The following SLC17A5 variants were observed in gnomAD, a reference collection of about 807,000 sequenced individuals.
SLC17A5 encodes the protein solute carrier family 17 member 5, also known as sialin.
Under a neutral mutation model 59.4 loss-of-function variants are expected in SLC17A5, and 47 were observed. That is an observed-to-expected ratio of 0.79 (90% CI 0.63 to 1.01). The LOEUF is 1.01. Among genes scored for constraint, SLC17A5 ranks in the 50% least tolerant of loss-of-function variants. The probability of loss-of-function intolerance (pLI) is 0.00; values close to 1 mark genes in which losing one functional copy is unlikely to be tolerated. For missense variants in SLC17A5, 522 were observed against 595.5 expected, an observed-to-expected ratio of 0.88 and a Z score of 1.28; for synonymous variants, 202 against 210.7, an observed-to-expected ratio of 0.96 and a Z score of 0.36.
At chr6:73,626,607 C>T (rs955769038) in intron 6 of SLC17A5, among the ~76,000 whole-genome samples, 2 of 152,084 alleles carry the variant, frequency 1.3e-5, no homozygotes, top group Non-Finnish European at 2.9e-5. Flanking sequence ...TAGTGCTGTC[C>T]AGTAGAACTT....
intron 8 of SLC17A5, among the ~76,000 whole-genome samples, chr6:73,614,969 C>CA (rs1767790299): frequency 6.6e-6 from 1 of 152,094 alleles, no homozygotes; most frequent in Non-Finnish European, 1.5e-5. Flanking sequence ...GATTTATAGC[C>CA]GGTCAGTCAG....
At chr6:73,630,905 G>T (rs2150108477) in intron 6 of SLC17A5, among the ~76,000 whole-genome samples, 1 of 149,458 alleles carries the variant, frequency 6.7e-6, no homozygotes, top group Non-Finnish European at 1.5e-5. Context: ...AATTAGCTGG[G>T]TGTGGTGGTG....
intron 6 of SLC17A5, among the ~76,000 whole-genome samples, chr6:73,634,609 G>A (rs493068): frequency 0.16 from 24,871 of 151,932 alleles, 3,149 homozygotes; most frequent in African/African-American, 0.35. Flanking sequence ...CATGTTGGCC[G>A]GGCTGATCTC....
rs181703712 is a variant in SLC17A5, at chr6:73,651,419, C to G, written c.94+2374G>C. ...GAGGCTGCAGTGAGCCGAGATCGCA[C>G]CACTGCACTCCAGCCTGGGCGACAG... On this transcript the variant is annotated intron_variant, in intron 1 of 10. Transcript: ENST00000355773. Among the ~76,000 whole-genome samples, 605 of 130,598 alleles carry G rather than the reference C, an allele frequency of 4.6e-3. 4 individuals carry two copies. The highest frequency in any genetic ancestry group is 0.017 in the African/African-American group (577 of 34,122). 85.7% of individuals were successfully genotyped at this position (130,598 alleles called of 152,430 possible). A position where few individuals can be genotyped will look rare whatever the true frequency, so the allele number is the denominator to read the frequency against.
Position 73,594,974 on chromosome 6 carries a change from A to T in SLC17A5, c.*103T>A, listed in dbSNP as rs1413857458. 5 of 1,255,074 alleles carry T rather than the reference A, an allele frequency of 4.0e-6. No homozygotes were observed. Among genetic ancestry groups the T allele is most frequent in the Non-Finnish European group, 5.8e-6 (5 of 861,902 alleles). The allele number at this position is 1,255,074 out of a possible 1,614,324, so 77.7% of individuals were successfully genotyped here. On this transcript the variant is annotated 3_prime_UTR_variant, in exon 11 of 11. Transcript: ENST00000355773. ...GGCCTTAAAAATCTAATACAAGTAC[A>T]ATTAAAAAAAGACATAGAATGCTTA...
intron 7 of SLC17A5, among the ~76,000 whole-genome samples, chr6:73,617,051 G>A (rs1767905443): frequency 1.3e-5 from 2 of 152,134 alleles, no homozygotes; most frequent in South Asian, 2.1e-4. Context: ...AGCACTTTGG[G>A]AGGCCGCGGA....
chr6:73,621,971 A>G lies in SLC17A5; in HGVS notation c.820-9T>C. The G allele has an allele frequency of 6.2e-7, 1 of 1,613,600 alleles. No individual in the cohort carries two copies. Among genetic ancestry groups the G allele is most frequent in the Non-Finnish European group, 8.5e-7 (1 of 1,179,578 alleles). ...GACTTCTGTGAAGAAAGCTGAAGAA[A>G]ACAGGAATAATTAGGATAAACTACG... On this transcript the variant is annotated splice_polypyrimidine_tract_variant and intron_variant, in intron 6 of 10. Coordinates refer to ENST00000355773, the MANE Select transcript of SLC17A5 (RefSeq NM_012434.5).
At chr6:73,645,552 C>T (rs975421479) in intron 1 of SLC17A5, 1 of 914,452 alleles carries the variant, frequency 1.1e-6, no homozygotes, top group Non-Finnish European at 1.3e-6. Flanking sequence ...TTTGGGAAGC[C>T]GAGGCGGGCG....
At chr6:73,625,667 ACT>A (rs10565237) in intron 6 of SLC17A5, among the ~76,000 whole-genome samples, 24,803 of 152,034 alleles carry the variant, frequency 0.16, 3,115 homozygotes, top group African/African-American at 0.35. Flanking sequence ...AGGCAAAAAA[ACT>A]CTGAGTGTAG....
At chr6:73,641,223 G>A (rs1769266378) in intron 3 of SLC17A5, among the ~76,000 whole-genome samples, 1 of 152,096 alleles carries the variant, frequency 6.6e-6, no homozygotes, top group Non-Finnish European at 1.5e-5. Flanking sequence ...GCAATTACAG[G>A]TGTGCACCAC....
At chr6:73,640,062 T>A (rs548097618) in intron 3 of SLC17A5, among the ~76,000 whole-genome samples, 76 of 151,986 alleles carry the variant, frequency 5.0e-4, no homozygotes, top group African/African-American at 1.8e-3. Flanking sequence ...TAGAAAAAAA[T>A]AAATAAATGA....
At chr6:73,622,231 C>T (rs1768185485) in intron 6 of SLC17A5, among the ~76,000 whole-genome samples, 1 of 151,664 alleles carries the variant, frequency 6.6e-6, no homozygotes, top group African/African-American at 2.4e-5. Flanking sequence ...GCTATAATGT[C>T]AACCCTAAAC....
At chr6:73,632,730 C>A (rs1561996599) in intron 6 of SLC17A5, among the ~76,000 whole-genome samples, 1 of 151,502 alleles carries the variant, frequency 6.6e-6, no homozygotes, top group Non-Finnish European at 1.5e-5. Context: ...ATGCGAGCCA[C>A]CACCCCTGGC....
Position 73,610,455 on chromosome 6 carries a change from G to C in SLC17A5, c.1204C>G (p.Leu402Val). The change falls in exon 9 of 11, where the codon CTG (leucine) becomes GTG (valine). Residue 402 changes from leucine (L) to valine (V), a missense_variant. Leu to Val is a conservative substitution (Grantham distance 32). Coordinates refer to ENST00000355773, the MANE Select transcript of SLC17A5 (RefSeq NM_012434.5). ...AVAFLTISTT[L>V]GGFCSSGFSI... ...AATCCAGAAGAGCAAAAGCCTCCCAGTGTTGTTGATATAGTTAGGAAAGCA... is the reference window on the plus strand; with the variant it reads ...AATCCAGAAGAGCAAAAGCCTCCCACTGTTGTTGATATAGTTAGGAAAGCA... The C allele has an allele frequency of 6.2e-7, 1 of 1,614,130 alleles. No homozygotes were observed. Among genetic ancestry groups the C allele is most frequent in the Non-Finnish European group, 8.5e-7 (1 of 1,180,012 alleles).
intron 6 of SLC17A5, among the ~76,000 whole-genome samples, chr6:73,625,586 G>T (rs1768372327): frequency 6.6e-6 from 1 of 152,190 alleles, no homozygotes; most frequent in South Asian, 2.1e-4. Context: ...TTCAACTCCA[G>T]CTATACTTTA....
chr6:73,646,219 G>A (rs1013789632), intron 1 of SLC17A5, among the ~76,000 whole-genome samples: 11 of 152,104 alleles, frequency 7.2e-5, no homozygotes, highest in Admixed American at 2.0e-4. Flanking sequence ...CATTAACCTA[G>A]CATCAAAGGA....
At chr6:73,609,675 A>C (rs184998674) in intron 9 of SLC17A5, among the ~76,000 whole-genome samples, 2 of 152,352 alleles carry the variant, frequency 1.3e-5, no homozygotes, top group Admixed American at 1.3e-4. Context: ...GGGTGAACAG[A>C]CACAGTAATG....
At chr6:73,618,724 T>C in intron 7 of SLC17A5, 1 of 219,402 alleles carries the variant, frequency 4.6e-6, no homozygotes, top group South Asian at 5.9e-5. Context: ...CGTAGGGTTA[T>C]TTATTTTGTT....
intron 10 of SLC17A5, among the ~76,000 whole-genome samples, chr6:73,597,144 A>C (rs1245333): frequency 6.8e-6 from 1 of 146,648 alleles, no homozygotes; most frequent in Non-Finnish European, 1.5e-5. Flanking sequence ...CTGGGGAACA[A>C]GAGTGAAACT....
Sources: allele counts gnomAD v4.1 joint callset (sites outside exome capture counted in the v4.1 genomes callset), GRCh38; gene constraint gnomAD v4.1.1; transcripts MANE v1.5; gene names NCBI Gene and HGNC (gene_info 2026-07-23, HGNC 2026-07-21).